The following VPS41 variants were observed in gnomAD, a reference collection of about 807,000 sequenced individuals.
VPS41 encodes the protein VPS41 subunit of HOPS complex, also known as vacuolar protein sorting-associated protein 41 homolog.
A neutral mutation model predicts 130.9 loss-of-function variants in VPS41; 85 were observed. The ratio of observed to expected loss-of-function variants is 0.65; its 90% CI spans 0.55 to 0.78. The LOEUF is 0.78. Ranked by LOEUF, VPS41 falls within the 30% of genes least tolerant of loss-of-function variation. VPS41 has a pLI of 0.00. For synonymous variants in VPS41, 335 were observed against 332.9 expected, an observed-to-expected ratio of 1.01 and a Z score of -0.07; for missense variants, 874 against 1,018.7, an observed-to-expected ratio of 0.86 and a Z score of 1.93.
rs147730632 is a variant in VPS41 at position 38,880,642 on chromosome 7, A to G, written c.61-11389T>C. ...TAATCTACTCAGGTCTTTGGGGAAAACAGTCATATTCTAAAGTAAAGAACT... is the reference window on the plus strand; with the variant it reads ...TAATCTACTCAGGTCTTTGGGGAAAGCAGTCATATTCTAAAGTAAAGAACT... On this transcript the variant is annotated intron_variant, in intron 2 of 28. Coordinates refer to ENST00000310301, the MANE Select transcript of VPS41 (RefSeq NM_014396.4). Among the ~76,000 whole-genome samples, 356 of 152,338 alleles carry G rather than the reference A, an allele frequency of 2.3e-3. 2 individuals carry two copies. Among genetic ancestry groups the G allele is most frequent in the African/African-American group, 8.3e-3 (343 of 41,574 alleles).
At chr7:38,737,009 G>C (rs143549050) in intron 25 of VPS41, among the ~76,000 whole-genome samples, 2 of 152,144 alleles carry the variant, frequency 1.3e-5, no homozygotes, top group Non-Finnish European at 2.9e-5. Flanking sequence ...TTGAAAGTTG[G>C]TGGAAAAGGA....
At chr7:38,880,265 T>C (rs969400648) in intron 2 of VPS41, among the ~76,000 whole-genome samples, 2 of 152,230 alleles carry the variant, frequency 1.3e-5, no homozygotes, top group Admixed American at 1.3e-4. Context: ...GACCAGACCA[T>C]AAAACCAAAC....
At chr7:38,758,936 A>G (rs900392879) in intron 17 of VPS41, among the ~76,000 whole-genome samples, 1 of 148,636 alleles carries the variant, frequency 6.7e-6, no homozygotes, top group South Asian at 2.1e-4. Context: ...AGGACCTGGA[A>G]GCTCCATGCC....
intron 11 of VPS41, 29 bp downstream of exon 11, chr7:38,776,650 G>A (rs1396307209): frequency 3.2e-5 from 41 of 1,280,368 alleles, no homozygotes; most frequent in Non-Finnish European, 4.7e-5. Context: ...ACCCCCACAT[G>A]CCTTTGTATC....
intron 4 of VPS41, among the ~76,000 whole-genome samples, chr7:38,845,333 A>G (rs1237131345): frequency 6.6e-6 from 1 of 152,254 alleles, no homozygotes; most frequent in Non-Finnish European, 1.5e-5. Context: ...GATAGCAGAT[A>G]CACAGTGGTA....
chr7:38,816,926 G>T (rs1484003093), intron 7 of VPS41, among the ~76,000 whole-genome samples: 3 of 152,004 alleles, frequency 2.0e-5, no homozygotes, highest in Non-Finnish European at 4.4e-5. Flanking sequence ...TCATTTTTTT[G>T]TAGAGTCGGT....
intron 4 of VPS41, among the ~76,000 whole-genome samples, chr7:38,844,777 A>C (rs1020438615): frequency 1.3e-5 from 2 of 152,154 alleles, no homozygotes; most frequent in African/African-American, 4.8e-5. Context: ...GAGCATTTAT[A>C]TGCTGTAAAC....
chr7:38,817,390 G>A (rs1057110675), intron 7 of VPS41, among the ~76,000 whole-genome samples: 12 of 152,146 alleles, frequency 7.9e-5, no homozygotes, highest in Non-Finnish European at 1.5e-4. Context: ...GATCACCTGA[G>A]GTCAAGAGTT....
chr7:38,741,873 TA>T, intron 25 of VPS41, 111 bp downstream of exon 25: 1 of 1,222,036 alleles, frequency 8.2e-7, no homozygotes, highest in Non-Finnish European at 1.1e-6. Context: ...AAATAAAATG[TA>T]ACCATAAAAT....
Position 38,725,962 on chromosome 7 carries a change from C to T in VPS41, c.*284G>A, listed in dbSNP as rs1213872374. On this transcript the variant is annotated 3_prime_UTR_variant, in exon 29 of 29. Transcript: ENST00000310301. ...TAAGGTCTAAAAAATTCATTTCTAACTCCTAGACTTATGTTTCCATTACTA... is the reference window on the plus strand; with the variant it reads ...TAAGGTCTAAAAAATTCATTTCTAATTCCTAGACTTATGTTTCCATTACTA... 1 of 291,530 alleles carries T rather than the reference C, an allele frequency of 3.4e-6. No homozygotes were observed. Among genetic ancestry groups the T allele is most frequent in the Non-Finnish European group, 6.4e-6 (1 of 157,436 alleles). The allele number at this position is 291,530 out of a possible 1,614,324, so 18.1% of individuals were successfully genotyped here. A position where few individuals can be genotyped will look rare whatever the true frequency, so the allele number is the denominator to read the frequency against.
intron 7 of VPS41, among the ~76,000 whole-genome samples, chr7:38,800,738 A>T (rs1562591444): frequency 6.6e-6 from 1 of 152,190 alleles, no homozygotes; most frequent in Non-Finnish European, 1.5e-5. Flanking sequence ...CCAGGGGGTG[A>T]GGCAGGAGAA....
intron 4 of VPS41, among the ~76,000 whole-genome samples, chr7:38,858,487 A>C (rs971401502): frequency 6.6e-6 from 1 of 152,206 alleles, no homozygotes; most frequent in Admixed American, 6.5e-5. Flanking sequence ...GTTTTTCACG[A>C]ATCCTAAGAG....
At chr7:38,733,960 C>T (rs1225071159) in intron 25 of VPS41, among the ~76,000 whole-genome samples, 3 of 152,048 alleles carry the variant, frequency 2.0e-5, no homozygotes, top group Non-Finnish European at 2.9e-5. Flanking sequence ...GTGGCGCATG[C>T]CTGTAGTTCC....
At chr7:38,734,311 G>A (rs1795723856) in intron 25 of VPS41, among the ~76,000 whole-genome samples, 1 of 151,982 alleles carries the variant, frequency 6.6e-6, no homozygotes. Flanking sequence ...CAGGATTCTT[G>A]TTTTCTTGAT....
In VPS41 at chr7:38,752,452, T is replaced by C. The variant is rs982047712; in HGVS notation, c.1789-139A>G. On this transcript the variant is annotated intron_variant, in intron 21 of 28. Coordinates refer to ENST00000310301, the MANE Select transcript of VPS41 (RefSeq NM_014396.4). ...GTCTTCAGGGAAAACCTCTAGGTGA[T>C]GGAGAAGTGGAAAGGAAAACCCTTT... 5.0e-6 allele frequency: 5 copies of C among 1,007,226 alleles called. No individual in the cohort carries two copies. In the African/African-American group the frequency reaches 6.5e-5, roughly 13 times the overall value. The allele number at this position is 1,007,226 out of a possible 1,614,324, so 62.4% of individuals were successfully genotyped here. A position where few individuals can be genotyped will look rare whatever the true frequency, so the allele number is the denominator to read the frequency against.
intron 2 of VPS41, among the ~76,000 whole-genome samples, chr7:38,879,891 T>TAAAAAAAAAAAAAAAAAAAAAAAAAAAAA: frequency 6.8e-6 from 1 of 146,038 alleles, no homozygotes; most frequent in African/African-American, 2.5e-5. Flanking sequence ...GTCATTTCTT[T>TAAAAAAAAAAAAAAAAAAAAAAAAAAAAA]AAAAAAAAAA....
intron 4 of VPS41, among the ~76,000 whole-genome samples, chr7:38,860,693 CTGTTTGTGTGTGTGTGTG>C (rs1562613790): frequency 7.4e-6 from 1 of 134,342 alleles, no homozygotes; most frequent in African/African-American, 3.0e-5. Context: ...TATTAACAAT[CTGTTTGTGTGTGTGTGTG>C]TGTGTGTGTG....
chr7:38,807,424 A>T (rs925038728), intron 7 of VPS41, among the ~76,000 whole-genome samples: 2 of 151,396 alleles, frequency 1.3e-5, no homozygotes, highest in African/African-American at 2.4e-5. Context: ...AGGGGGATCC[A>T]AAAGGCTTAA....
chr7:38,858,581 C>A (rs1297525099), intron 4 of VPS41, among the ~76,000 whole-genome samples: 2 of 152,128 alleles, frequency 1.3e-5, no homozygotes, highest in Admixed American at 6.5e-5. Context: ...GACTGTAATG[C>A]TTTACAAGCT....
Sources: gnomAD v4.1 joint callset for allele counts (sites outside exome capture counted in the v4.1 genomes callset) on GRCh38, gnomAD v4.1.1 for gene constraint, MANE v1.5 for transcripts, NCBI Gene and HGNC (gene_info 2026-07-23, HGNC 2026-07-21) for gene names.